SLC22A16: variants seen among roughly 807,000 people sequenced by gnomAD.
SLC22A16 encodes the protein solute carrier family 22 member 16.
A neutral mutation model predicts 52.9 loss-of-function variants in SLC22A16; 53 were observed. The observed-to-expected ratio is 1.00, with a 90% CI of 0.80 to 1.26. The LOEUF is 1.26. SLC22A16 is among the 50% of genes most tolerant of loss of function. The pLI is 0.00. For missense variants in SLC22A16, 726 were observed against 704.0 expected (o/e 1.03, Z -0.35); for synonymous variants, 291 against 268.8 (o/e 1.08, Z -0.81).
chr6:110,452,408 T>G (rs1775420422), intron 2 of SLC22A16, among the ~76,000 whole-genome samples: 1 of 152,204 alleles, frequency 6.6e-6, no homozygotes, highest in Non-Finnish European at 1.5e-5. Context: ...TTTCCTTGCT[T>G]CCTTTCCTTC....
At position 110,462,720 on chromosome 6, in the gene SLC22A16, A is replaced by C. The variant is rs530094134; in HGVS notation, c.54-5703T>G. ...ATATTTAAGAGAATAATTCAGGAAA[A>C]TTTCCCTGATCTTGCTATAGAGGTA... On this transcript the variant is annotated intron_variant, in intron 1 of 7. Transcript: ENST00000368919. 9.2e-5 allele frequency among the ~76,000 whole-genome samples: 14 copies of C among 152,258 alleles called. No individual in the cohort carries two copies. In the South Asian group the frequency reaches 2.7e-3, roughly 29 times the overall value.
At chr6:110,430,845 G>T (rs1472700000) in intron 7 of SLC22A16, among the ~76,000 whole-genome samples, 2 of 152,208 alleles carry the variant, frequency 1.3e-5, no homozygotes, top group African/African-American at 2.4e-5. Flanking sequence ...GCCAGCGGGT[G>T]GGGGCAGATG....
At position 110,476,515 on chromosome 6, in the gene SLC22A16, C is replaced by CCCCTT; in HGVS notation, c.53+6_53+7insAAGGG. The CCCCTT allele has an allele frequency of 6.8e-7, 1 of 1,462,380 alleles. No individual in the cohort carries two copies. The highest frequency in any genetic ancestry group is 9.2e-7 in the Non-Finnish European group (1 of 1,089,770). 90.6% of individuals were successfully genotyped at this position (1,462,380 alleles called of 1,614,324 possible). On this transcript the variant is annotated splice_region_variant and intron_variant, in intron 1 of 7. Transcript: ENST00000368919. ...CCGCGTGGCGCCGCGGGGCCCCTCC[C>CCCCTT]CCATACCTGCCGAAGTGCCCCACGT...
chr6:110,467,891 C>T (rs1471673832), intron 1 of SLC22A16, among the ~76,000 whole-genome samples: 1 of 152,258 alleles, frequency 6.6e-6, no homozygotes, highest in African/African-American at 2.4e-5. Flanking sequence ...CTACCGCCCA[C>T]TGGTGAACAC....
intron 1 of SLC22A16, among the ~76,000 whole-genome samples, chr6:110,471,554 G>T (rs1193206447): frequency 6.6e-6 from 1 of 152,202 alleles, no homozygotes; most frequent in African/African-American, 2.4e-5. Context: ...TGTGAAAATC[G>T]ACTAACCTCT....
chr6:110,464,721 G>GGAA (rs1776003412), intron 1 of SLC22A16, among the ~76,000 whole-genome samples: 1 of 151,934 alleles, frequency 6.6e-6, no homozygotes, highest in Non-Finnish European at 1.5e-5. Flanking sequence ...TGTACAAAGA[G>GGAA]CTAGAACCAA....
chr6:110,464,174 T>C (rs1775986546), intron 1 of SLC22A16, among the ~76,000 whole-genome samples: 1 of 151,956 alleles, frequency 6.6e-6, no homozygotes, highest in Non-Finnish European at 1.5e-5. Flanking sequence ...ATAGCATTAA[T>C]TGCTCAAATC....
At chr6:110,474,200 G>A (rs1389923518) in intron 1 of SLC22A16, among the ~76,000 whole-genome samples, 1 of 152,094 alleles carries the variant, frequency 6.6e-6, no homozygotes, top group Non-Finnish European at 1.5e-5. Context: ...ACAGGTCTGT[G>A]GAAAAAATAT....
intron 1 of SLC22A16, among the ~76,000 whole-genome samples, chr6:110,471,327 T>G (rs1358221535): frequency 6.6e-6 from 1 of 152,202 alleles, no homozygotes. Context: ...CCATCTAGGC[T>G]TGTGTAAATA....
At chr6:110,453,630 T>C in intron 2 of SLC22A16, 1 of 456,068 alleles carries the variant, frequency 2.2e-6, no homozygotes, top group Non-Finnish European at 4.4e-6. Flanking sequence ...TGGGTTGAAT[T>C]AGAGAGGAGG....
At chr6:110,461,719 C>T (rs1775891526) in intron 1 of SLC22A16, among the ~76,000 whole-genome samples, 1 of 152,164 alleles carries the variant, frequency 6.6e-6, no homozygotes, top group South Asian at 2.1e-4. Context: ...TATCCATAAC[C>T]AAGGAACCCA....
Position 110,427,818 on chromosome 6 carries a change from C to T in SLC22A16, c.1522-2733G>A, listed in dbSNP as rs1032536056. On this transcript the variant is annotated intron_variant, in intron 7 of 7. Coordinates refer to ENST00000368919, the MANE Select transcript of SLC22A16 (RefSeq NM_033125.4). ...AAAAACAAGATGTTTCTTAATATTC[C>T]ATCATTACTGCTGTTGTATCTTTTA... Among the ~76,000 whole-genome samples, 7 of 152,262 alleles carry T rather than the reference C, an allele frequency of 4.6e-5. No individual in the cohort carries two copies. The East Asian group carries it at 1.4e-3, about 29-fold the overall frequency.
At chr6:110,457,809 C>T (rs562300861) in intron 1 of SLC22A16, among the ~76,000 whole-genome samples, 22 of 152,152 alleles carry the variant, frequency 1.4e-4, no homozygotes, top group Admixed American at 4.6e-4. Flanking sequence ...GAAAGATGCC[C>T]GTTACCAAGC....
intron 1 of SLC22A16, among the ~76,000 whole-genome samples, chr6:110,459,995 A>T (rs1444309699): frequency 6.6e-6 from 1 of 152,162 alleles, no homozygotes; most frequent in African/African-American, 2.4e-5. Context: ...TGAACAGGTG[A>T]CTTAATTATT....
chr6:110,428,334 C>A (rs1212983411), intron 7 of SLC22A16, among the ~76,000 whole-genome samples: 1 of 137,992 alleles, frequency 7.2e-6, no homozygotes, highest in Non-Finnish European at 1.6e-5. Flanking sequence ...AAATATACAC[C>A]ACACCCTGTG....
intron 7 of SLC22A16, among the ~76,000 whole-genome samples, chr6:110,427,257 A>G (rs1328592984): frequency 3.5e-5 from 5 of 144,306 alleles, no homozygotes; most frequent in South Asian, 2.2e-4. Context: ...CAAAAAAAAA[A>G]AAAAAAAGAA....
chr6:110,428,847 G>A (rs991908148), intron 7 of SLC22A16, among the ~76,000 whole-genome samples: 2 of 152,164 alleles, frequency 1.3e-5, no homozygotes, highest in Admixed American at 6.5e-5. Flanking sequence ...TTGAACCTGG[G>A]AGGTGGAGGT....
chr6:110,440,177 T>C (rs1774908366), intron 4 of SLC22A16: 2 of 152,166 alleles, frequency 1.3e-5, no homozygotes, highest in Non-Finnish European at 2.9e-5. Context: ...ACCATACTGA[T>C]ACTGAACTTA....
At chr6:110,449,767 C>T (rs1775303214) in intron 2 of SLC22A16, among the ~76,000 whole-genome samples, 1 of 152,172 alleles carries the variant, frequency 6.6e-6, no homozygotes, top group African/African-American at 2.4e-5. Context: ...CCTGCTTTTC[C>T]CGCTTTCACT....
Sources: allele counts gnomAD v4.1 joint callset (sites outside exome capture counted in the v4.1 genomes callset), GRCh38; gene constraint gnomAD v4.1.1; transcripts MANE v1.5; gene names NCBI Gene and HGNC (gene_info 2026-07-23, HGNC 2026-07-21).